The following DIAPH2 variants were observed in gnomAD, a reference collection of about 807,000 sequenced individuals.
DIAPH2 encodes protein diaphanous homolog 2.
DIAPH2 carries 35 observed loss-of-function variants against 92.7 expected under a neutral mutation model. The ratio of observed to expected loss-of-function variants is 0.38; its 90% CI spans 0.29 to 0.50. The LOEUF (loss-of-function observed/expected upper bound fraction) is 0.50, where lower values mean the gene tolerates loss of function less well. Among genes scored for constraint, DIAPH2 ranks in the 20% least tolerant of loss-of-function variants. The pLI, the probability that DIAPH2 is intolerant of heterozygous loss-of-function variation, is 0.94. For missense variants in DIAPH2, 701 were observed against 819.5 expected (o/e 0.86, Z 1.77); for synonymous variants, 301 against 280.4 (o/e 1.07, Z -0.73).
rs148459039 is a variant in DIAPH2, at chrX:96,805,131, C to G, written c.447+46873C>G. On this transcript the variant is annotated intron_variant, in intron 4 of 26. Coordinates refer to ENST00000324765, the MANE Select transcript of DIAPH2 (RefSeq NM_006729.5). ...TCCAGGCATTATTCTAGCAGATTAT[C>G]AGTACATTCTAGTAGGACAGATTAA... Among the ~76,000 whole-genome samples, 50 of 111,134 alleles carry G rather than the reference C, an allele frequency of 4.5e-4. No individual in the cohort carries two copies. The East Asian group carries it at 0.013, about 29-fold the overall frequency.
intron 23 of DIAPH2, among the ~76,000 whole-genome samples, chrX:97,294,434 T>C (rs1230802483): frequency 8.9e-6 from 1 of 112,263 alleles, no homozygotes; most frequent in Non-Finnish European, 1.9e-5. Flanking sequence ...TTGTAACATA[T>C]TGGAATCCAA....
At chrX:97,043,460 T>C (rs1264056545) in intron 17 of DIAPH2, among the ~76,000 whole-genome samples, 1 of 110,739 alleles carries the variant, frequency 9.0e-6, no homozygotes, top group Non-Finnish European at 1.9e-5. Context: ...CATTCTGATA[T>C]TGCTCAGTTT....
At chrX:97,079,610 T>G (rs1382396499) in intron 19 of DIAPH2, among the ~76,000 whole-genome samples, 9 of 110,773 alleles carry the variant, frequency 8.1e-5, no homozygotes, top group Non-Finnish European at 1.7e-4. Context: ...AAATAAGGAT[T>G]TTTGGAGTCA....
At chrX:96,864,114 A>G (rs1358935892) in intron 4 of DIAPH2, among the ~76,000 whole-genome samples, 1 of 110,964 alleles carries the variant, frequency 9.0e-6, no homozygotes, top group African/African-American at 3.3e-5. Flanking sequence ...GATAAAGCTT[A>G]CCTCTTTATT....
intron 5 of DIAPH2, among the ~76,000 whole-genome samples, chrX:96,900,191 C>A (rs2065383352): frequency 9.0e-6 from 1 of 111,544 alleles, no homozygotes; most frequent in African/African-American, 3.3e-5. Context: ...TATTTTGCCT[C>A]CTTGGTTAAG....
rs781427360 is a variant in DIAPH2 at position 97,384,033 on chromosome X, A to G, written c.3134A>G (p.Asp1045Gly). Residue 1045 changes from aspartate to glycine, a missense_variant, in exon 25 of 27, where the codon GAT becomes GGT. Physicochemically the swap from Asp to Gly is moderately conservative, Grantham distance 94. This residue lies in a region of DIAPH2 where 536 missense variants were observed against 599.3 expected (regional missense o/e 0.89). Coordinates refer to ENST00000324765, the MANE Select transcript of DIAPH2 (RefSeq NM_006729.5). ...ERQKKKKQLIDINKEGDETGV... is the reference protein window; with the variant it reads ...ERQKKKKQLIGINKEGDETGV... ...CAGAAGAAAAAGAAACAACTCATTG[A>G]TATAAACAAAGGTATGAAAATATTT... 2.5e-6 allele frequency: 3 copies of G among 1,186,946 alleles called. No homozygotes were observed. Among genetic ancestry groups the G allele is most frequent in the Admixed American group, 4.7e-5 (2 of 42,592 alleles).
At chrX:97,427,051 G>T (rs780771979) in intron 25 of DIAPH2, among the ~76,000 whole-genome samples, 2 of 108,337 alleles carry the variant, frequency 1.8e-5, no homozygotes, top group African/African-American at 6.7e-5. Context: ...GGTGGCAGGC[G>T]CCTGTAATCC....
chrX:97,022,212 G>A (rs1332058390), intron 17 of DIAPH2, among the ~76,000 whole-genome samples: 3 of 111,909 alleles, frequency 2.7e-5, no homozygotes, highest in Non-Finnish European at 5.6e-5. Flanking sequence ...AATAATATTA[G>A]GTCTATCTAG....
At chrX:97,336,679 A>G (rs2069064933) in intron 23 of DIAPH2, among the ~76,000 whole-genome samples, 1 of 112,064 alleles carries the variant, frequency 8.9e-6, no homozygotes, top group Admixed American at 9.6e-5. Flanking sequence ...CGTCATCAGC[A>G]CCTAGAAGAT....
intron 4 of DIAPH2, among the ~76,000 whole-genome samples, chrX:96,811,753 G>T (rs1364428398): frequency 9.0e-6 from 1 of 111,646 alleles, no homozygotes; most frequent in Non-Finnish European, 1.9e-5. Flanking sequence ...TTTGTCAAAG[G>T]TCTTTTCTGC....
At chrX:96,726,936 C>T (rs892673734) in intron 1 of DIAPH2, among the ~76,000 whole-genome samples, 3 of 111,710 alleles carry the variant, frequency 2.7e-5, no homozygotes, top group African/African-American at 9.8e-5. Flanking sequence ...CTCTGCAAGC[C>T]GCCTTTTTAG....
chrX:97,426,724 C>T (rs991906149), intron 25 of DIAPH2, among the ~76,000 whole-genome samples: 1 of 111,986 alleles, frequency 8.9e-6, no homozygotes, highest in African/African-American at 3.2e-5. Flanking sequence ...ACAGTAACCA[C>T]CATCTGCATG....
intron 17 of DIAPH2, among the ~76,000 whole-genome samples, chrX:96,977,986 T>G (rs1301611586): frequency 8.9e-6 from 1 of 112,288 alleles, no homozygotes; most frequent in Non-Finnish European, 1.9e-5. Flanking sequence ...GCCTGGCCAG[T>G]AGATTAGTTT....
chrX:96,815,485 G>T (rs1415839051), intron 4 of DIAPH2, among the ~76,000 whole-genome samples: 1 of 112,136 alleles, frequency 8.9e-6, no homozygotes, highest in Non-Finnish European at 1.9e-5. Context: ...GCACTTCCCA[G>T]GTGAGGCGAT....
intron 24 of DIAPH2, among the ~76,000 whole-genome samples, chrX:97,360,591 T>C (rs2069315784): frequency 9.0e-6 from 1 of 111,578 alleles, no homozygotes; most frequent in South Asian, 3.8e-4. Context: ...GCCTCTGGAC[T>C]CCAGCCCAGG....
At chrX:96,794,751 G>A (rs969616254) in intron 4 of DIAPH2, among the ~76,000 whole-genome samples, 6 of 111,661 alleles carry the variant, frequency 5.4e-5, no homozygotes, top group South Asian at 3.8e-4. Flanking sequence ...ACATAAACTC[G>A]GTTGCTTAAA....
intron 26 of DIAPH2, among the ~76,000 whole-genome samples, chrX:97,553,106 A>G (rs921273584): frequency 8.9e-6 from 1 of 112,386 alleles, no homozygotes; most frequent in Non-Finnish European, 1.9e-5. Flanking sequence ...AGTTCAGCCC[A>G]TAATACTGCA....
In DIAPH2 at chrX:96,893,454, G is replaced by A. The variant is rs531140798; in HGVS notation, c.587+11736G>A. On this transcript the variant is annotated intron_variant, in intron 5 of 26. Transcript: ENST00000324765. The stretch of plus-strand genomic sequence containing the variant: ...TGTGTTGTTGTTTGTTTGTTTTTCA[G>A]GAGGGTCATTCTTCCTAATTCTGAA... Among the ~76,000 whole-genome samples, 67 of 111,441 alleles carry A rather than the reference G, an allele frequency of 6.0e-4. 2 individuals are homozygous for A. The South Asian group carries it at 0.015, about 25-fold the overall frequency.
chrX:96,750,244 T>A (rs762171297), intron 3 of DIAPH2, among the ~76,000 whole-genome samples: 19 of 109,814 alleles, frequency 1.7e-4, no homozygotes, highest in African/African-American at 6.3e-4. Flanking sequence ...GCCAGGCTGG[T>A]CTCGAACTCC....
Sources: gnomAD v4.1 joint callset for allele counts (sites outside exome capture counted in the v4.1 genomes callset) on GRCh38, gnomAD v4.1.1 for gene constraint, gnomAD v4.1.1 regional missense constraint, MANE v1.5 for transcripts, NCBI Gene and HGNC (gene_info 2026-07-23, HGNC 2026-07-21) for gene names.